LIPK: variants seen among roughly 807,000 people sequenced by gnomAD.
LIPK encodes the protein lipase family member K, also known as lipase member K.
In LIPK, 32 loss-of-function variants were observed where a neutral mutation model predicts 48.6. The ratio of observed to expected loss-of-function variants is 0.66; its 90% CI spans 0.50 to 0.88. The LOEUF (loss-of-function observed/expected upper bound fraction) is 0.88. Among genes scored for constraint, LIPK ranks in the 40% least tolerant of loss-of-function variants. The pLI is 0.00. For synonymous variants in LIPK, 164 were observed against 157.4 expected, an observed-to-expected ratio of 1.04 and a Z score of -0.32; for missense variants, 507 against 478.5, an observed-to-expected ratio of 1.06 and a Z score of -0.56.
chr10:88,714,247 T>C (rs910122074), intron 1 of LIPK, among the ~76,000 whole-genome samples: 1 of 152,174 alleles, frequency 6.6e-6, no homozygotes, highest in Non-Finnish European at 1.5e-5. Flanking sequence ...TATTATAAAG[T>C]GGTGTTGAGT....
At chr10:88,733,569 A>G (rs1415943657) in intron 6 of LIPK, among the ~76,000 whole-genome samples, 3 of 152,226 alleles carry the variant, frequency 2.0e-5, no homozygotes, top group African/African-American at 7.2e-5. Flanking sequence ...AAACATGCTT[A>G]CATTGCCTGT....
At chr10:88,749,694 T>C (rs1418658139) in intron 9 of LIPK, among the ~76,000 whole-genome samples, 1 of 90,560 alleles carries the variant, frequency 1.1e-5, no homozygotes, top group Non-Finnish European at 2.4e-5. Flanking sequence ...GTTCTGGACA[T>C]AGGACCTGGC....
intron 6 of LIPK, among the ~76,000 whole-genome samples, chr10:88,736,992 A>T (rs1182224432): frequency 1.3e-5 from 2 of 152,228 alleles, no homozygotes; most frequent in East Asian, 3.8e-4. Flanking sequence ...TAAAACTAGT[A>T]GCTGTGAAGC....
intron 9 of LIPK, among the ~76,000 whole-genome samples, chr10:88,745,693 C>T (rs912873253): frequency 3.9e-5 from 6 of 152,164 alleles, no homozygotes; most frequent in Admixed American, 6.5e-5. Context: ...ATACATAGAC[C>T]GTTGACACTA....
chr10:88,707,520 T>C (rs1841957416), intron 1 of LIPK, among the ~76,000 whole-genome samples: 1 of 152,302 alleles, frequency 6.6e-6, no homozygotes, highest in South Asian at 2.1e-4. Flanking sequence ...ATGTGAAATA[T>C]AATGCTCTTT....
intron 1 of LIPK, among the ~76,000 whole-genome samples, chr10:88,711,386 C>T (rs950005470): frequency 5.3e-5 from 8 of 152,118 alleles, no homozygotes; most frequent in African/African-American, 1.2e-4. Flanking sequence ...GTGGCAAGAG[C>T]GCTTAAAATG....
chr10:88,740,115 C>A, intron 8 of LIPK, 48 bp downstream of exon 8: 2 of 1,451,812 alleles, frequency 1.4e-6, no homozygotes, highest in Non-Finnish European at 9.6e-7. Flanking sequence ...TCTGCAAGAC[C>A]CTCAAGAAGT....
At position 88,716,356 on chromosome 10, in the gene LIPK, C is replaced by CTTTTTT. The variant is rs11374780; in HGVS notation, c.-11-8163_-11-8158dup. 5.3e-4 allele frequency among the ~76,000 whole-genome samples: 64 copies of CTTTTTT among 120,314 alleles called. 3 individuals are homozygous for CTTTTTT. Among genetic ancestry groups the CTTTTTT allele is most frequent in the Non-Finnish European group, 6.4e-4 (39 of 60,528 alleles). 78.9% of individuals were successfully genotyped at this position (120,314 alleles called of 152,430 possible). ...GAAATCAGAGAATTCAGGAAAATTT[C>CTTTTTT]TTTTTTTTTTTTTTTTTTTGAGACA... On this transcript the variant is annotated intron_variant, in intron 1 of 9. Coordinates refer to ENST00000404190, the MANE Select transcript of LIPK (RefSeq NM_001080518.2).
intron 7 of LIPK, among the ~76,000 whole-genome samples, chr10:88,738,776 T>C (rs888046433): frequency 3.3e-5 from 5 of 152,246 alleles, no homozygotes; most frequent in Admixed American, 2.6e-4. Context: ...GTTGTCCATA[T>C]GGACACCTTT....
chr10:88,722,717 T>TC (rs1842252409), intron 1 of LIPK, among the ~76,000 whole-genome samples: 2 of 152,124 alleles, frequency 1.3e-5, no homozygotes, highest in South Asian at 4.1e-4. Flanking sequence ...AAGAGCACAG[T>TC]CTTCATTTGC....
chr10:88,740,160 A>T, intron 8 of LIPK, 93 bp downstream of exon 8: 1 of 737,700 alleles, frequency 1.4e-6, no homozygotes, highest in Non-Finnish European at 2.2e-6. Flanking sequence ...TTCTGCTGGC[A>T]CCTGCCACTG....
chr10:88,726,882 C>A lies in LIPK; in HGVS notation c.193C>A (p.Pro65Thr). The A allele has an allele frequency of 6.2e-7, 1 of 1,600,822 alleles. No individual in the cohort carries two copies. Among genetic ancestry groups the A allele is most frequent in the Non-Finnish European group, 8.5e-7 (1 of 1,170,092 alleles). ...DGYILGIYRI[P>T]HGRGCPGRTA... ...TTATATCCTTGGAATTTATAGGATT[C>A]CACATGGAAGAGGATGCCCAGGGAG... The change falls in exon 3 of 10, where the codon CCA (proline) becomes ACA (threonine). Residue 65 changes from proline to threonine, a missense_variant. Physicochemically the swap from Pro to Thr is conservative, Grantham distance 38. Coordinates refer to ENST00000404190, the MANE Select transcript of LIPK (RefSeq NM_001080518.2).
chr10:88,742,004 C>T (rs983030149), intron 8 of LIPK, among the ~76,000 whole-genome samples: 2 of 152,166 alleles, frequency 1.3e-5, no homozygotes, highest in African/African-American at 4.8e-5. Flanking sequence ...AACTTACAAT[C>T]AATCACCGTG....
At chr10:88,724,100 T>C (rs1046331804) in intron 1 of LIPK, among the ~76,000 whole-genome samples, 2 of 152,202 alleles carry the variant, frequency 1.3e-5, no homozygotes, top group Non-Finnish European at 2.9e-5. Context: ...TTACAAGACA[T>C]GTTAACAAAT....
At chr10:88,711,833 C>CT (rs1298117869) in intron 1 of LIPK, among the ~76,000 whole-genome samples, 4 of 151,740 alleles carry the variant, frequency 2.6e-5, no homozygotes, top group East Asian at 1.9e-4. Flanking sequence ...ATTTTTTAAT[C>CT]TTTTTTTTGC....
At chr10:88,743,381 C>G in intron 9 of LIPK, 60 bp downstream of exon 9, 1 of 1,255,210 alleles carries the variant, frequency 8.0e-7, no homozygotes, top group Non-Finnish European at 1.1e-6. Context: ...AAAATAGTGT[C>G]TACTCATGAA....
chr10:88,722,471 C>T (rs1358458756), intron 1 of LIPK, among the ~76,000 whole-genome samples: 1 of 152,144 alleles, frequency 6.6e-6, no homozygotes, highest in Non-Finnish European at 1.5e-5. Context: ...TGCATATGAA[C>T]CACTTGTAAT....
chr10:88,713,964 AAAAAT>A (rs984353578), intron 1 of LIPK, among the ~76,000 whole-genome samples: 4 of 151,966 alleles, frequency 2.6e-5, no homozygotes, highest in Non-Finnish European at 5.9e-5. Context: ...AAATAAAAAT[AAAAAT>A]AAAATAAAAT....
chr10:88,723,775 T>G (rs420381), intron 1 of LIPK, among the ~76,000 whole-genome samples: 1 of 151,386 alleles, frequency 6.6e-6, no homozygotes. Context: ...GATGTTTAGG[T>G]TTTTTTTTTC....
Sources: allele counts gnomAD v4.1 joint callset (sites outside exome capture counted in the v4.1 genomes callset), GRCh38; gene constraint gnomAD v4.1.1; transcripts MANE v1.5; gene names NCBI Gene and HGNC (gene_info 2026-07-23, HGNC 2026-07-21).